The following FGF2 variants were observed in gnomAD, a reference collection of about 807,000 sequenced individuals.
FGF2 encodes fibroblast growth factor 2, also known as basic fibroblast growth factor bFGF.
Under a neutral mutation model 15.9 loss-of-function variants are expected in FGF2, and 13 were observed. The ratio of observed to expected loss-of-function variants is 0.82; its 90% CI spans 0.53 to 1.30. The LOEUF (loss-of-function observed/expected upper bound fraction) is 1.30. Ranked by LOEUF, FGF2 falls within the 50% of genes most tolerant of loss-of-function variation. The pLI is 0.00. For synonymous variants in FGF2, 90 were observed against 78.4 expected, an observed-to-expected ratio of 1.15 and a Z score of -0.78; for missense variants, 163 against 196.9, an observed-to-expected ratio of 0.83 and a Z score of 1.03.
intron 2 of FGF2, among the ~76,000 whole-genome samples, chr4:122,890,324 G>A (rs1269765422): frequency 2.6e-5 from 4 of 152,132 alleles, no homozygotes; most frequent in African/African-American, 9.6e-5. Flanking sequence ...TCATATAGCT[G>A]GGTCCTGTCA....
intron 1 of FGF2, among the ~76,000 whole-genome samples, chr4:122,859,019 C>T (rs892829015): frequency 2.6e-5 from 4 of 152,186 alleles, no homozygotes; most frequent in Non-Finnish European, 5.9e-5. Flanking sequence ...CTGAAGATGT[C>T]AGGTTATGTG....
chr4:122,849,661 G>T (rs551654952), intron 1 of FGF2, among the ~76,000 whole-genome samples: 2 of 152,194 alleles, frequency 1.3e-5, no homozygotes, highest in Non-Finnish European at 2.9e-5. Flanking sequence ...CACAGTGTGG[G>T]TAGATACATT....
At chr4:122,877,264 C>T (rs1427468674) in intron 2 of FGF2, among the ~76,000 whole-genome samples, 1 of 152,088 alleles carries the variant, frequency 6.6e-6, no homozygotes, top group Non-Finnish European at 1.5e-5. Context: ...AATGCACCAC[C>T]ATGCCTGGTT....
chr4:122,880,681 C>T (rs1726944393), intron 2 of FGF2, among the ~76,000 whole-genome samples: 1 of 152,204 alleles, frequency 6.6e-6, no homozygotes, highest in Non-Finnish European at 1.5e-5. Context: ...GGTACAGCCT[C>T]CCTCTCAGCT....
Position 122,897,501 on chromosome 4 carries a change from G to A in FGF2, c.*5105G>A, listed in dbSNP as rs549708129. The A allele has an allele frequency of 2.2e-4, 161 of 720,498 alleles. No homozygotes were observed. Among genetic ancestry groups the A allele is most frequent in the South Asian group, 2.2e-3 (140 of 63,180 alleles). 44.6% of individuals were successfully genotyped at this position (720,498 alleles called of 1,614,324 possible). On this transcript the variant is annotated 3_prime_UTR_variant, in exon 3 of 3. Transcript: ENST00000644866. ...TCAGCTCTGAGGTAATTTCTGAAAT[G>A]TTCAGACTCAGTCGGAACAAATTGG...
At position 122,893,041 on chromosome 4, in the gene FGF2, A is replaced by G. The variant is rs1254471955; in HGVS notation, c.*645A>G. The G allele has an allele frequency of 6.2e-7, 1 of 1,614,038 alleles. No homozygotes were observed. Among genetic ancestry groups the G allele is most frequent in the African/African-American group, 1.3e-5 (1 of 74,894 alleles). ...CCAGGTCATTGAGATCCATCCACTC[A>G]CATCTTAAGCATTCTTCCTGGCAAA... On this transcript the variant is annotated 3_prime_UTR_variant, in exon 3 of 3. Transcript: ENST00000644866.
intron 1 of FGF2, among the ~76,000 whole-genome samples, chr4:122,863,486 G>A (rs1014278755): frequency 6.6e-6 from 1 of 151,968 alleles, no homozygotes. Context: ...CCTCAGTCCT[G>A]GAATGACATT....
intron 1 of FGF2, among the ~76,000 whole-genome samples, chr4:122,858,186 T>C (rs17407577): frequency 0.044 from 6,765 of 152,242 alleles, 168 homozygotes; most frequent in Middle Eastern, 0.061. Flanking sequence ...GTGAAGAGAA[T>C]GGAATGTGTG....
At position 122,866,698 on chromosome 4, in the gene FGF2, G is replaced by A. The variant is rs1726602399; in HGVS notation, c.179-9623G>A. Among the ~76,000 whole-genome samples the A allele has an allele frequency of 2.0e-5, 3 of 152,162 alleles. No individual in the cohort carries two copies. In the South Asian group the frequency reaches 6.2e-4, roughly 31 times the overall value. On this transcript the variant is annotated intron_variant, in intron 1 of 2. Coordinates refer to ENST00000644866, the MANE Select transcript of FGF2 (RefSeq NM_001361665.2). Reference sequence around the variant, plus strand: ...ACAAAAACAGACCATAACAAGTGTTGGCCTGGATGTGGAATAATTGGAACT... The same window carrying A: ...ACAAAAACAGACCATAACAAGTGTTAGCCTGGATGTGGAATAATTGGAACT...
chr4:122,870,347 TA>T (rs1726704680), intron 1 of FGF2, among the ~76,000 whole-genome samples: 1 of 152,214 alleles, frequency 6.6e-6, no homozygotes, highest in Non-Finnish European at 1.5e-5. Flanking sequence ...CCTCATAAAA[TA>T]AATTAGGGAG....
intron 2 of FGF2, chr4:122,882,580 GAA>G (rs1291455579): frequency 2.6e-5 from 4 of 152,182 alleles, no homozygotes; most frequent in African/African-American, 9.7e-5. Context: ...CTTTCTGATG[GAA>G]CAGATTTCCA....
At chr4:122,833,148 ATACT>A (rs1165843207) in intron 1 of FGF2, among the ~76,000 whole-genome samples, 1 of 151,974 alleles carries the variant, frequency 6.6e-6, no homozygotes, top group African/African-American at 2.4e-5. Flanking sequence ...TGTATCTTTG[ATACT>A]TACTCATTTA....
At chr4:122,866,438 A>G (rs994297297) in intron 1 of FGF2, among the ~76,000 whole-genome samples, 4 of 152,264 alleles carry the variant, frequency 2.6e-5, no homozygotes, top group Non-Finnish European at 4.4e-5. Flanking sequence ...TTCTCACATC[A>G]TATGTCTGAA....
At chr4:122,848,655 G>A (rs533030714) in intron 1 of FGF2, among the ~76,000 whole-genome samples, 1 of 152,344 alleles carries the variant, frequency 6.6e-6, no homozygotes, top group South Asian at 2.1e-4. Flanking sequence ...GCTGCAGGCT[G>A]ATTACATAGC....
At chr4:122,861,778 A>G (rs756532355) in intron 1 of FGF2, among the ~76,000 whole-genome samples, 2 of 151,480 alleles carry the variant, frequency 1.3e-5, no homozygotes, top group Non-Finnish European at 2.9e-5. Flanking sequence ...ATACCCCTAC[A>G]CTCCATGCTA....
chr4:122,829,007 C>A (rs1400735647), intron 1 of FGF2, among the ~76,000 whole-genome samples: 1 of 151,698 alleles, frequency 6.6e-6, no homozygotes, highest in East Asian at 1.9e-4. Context: ...AGAAGAATTT[C>A]CCTTTAAATT....
intron 2 of FGF2, chr4:122,888,798 G>A (rs924448047): frequency 1.3e-5 from 2 of 152,096 alleles, no homozygotes; most frequent in Non-Finnish European, 2.9e-5. Flanking sequence ...CTCTTACCCT[G>A]TTCAGGTTTA....
chr4:122,897,738 G>T lies in FGF2; in HGVS notation c.*5342G>T. 8.7e-7 allele frequency: 1 copy of T among 1,153,206 alleles called. No homozygotes were observed. Among genetic ancestry groups the T allele is most frequent in the Non-Finnish European group, 1.3e-6 (1 of 764,988 alleles). The allele number at this position is 1,153,206 out of a possible 1,614,324, so 71.4% of individuals were successfully genotyped here. A position where few individuals can be genotyped will look rare whatever the true frequency, so the allele number is the denominator to read the frequency against. ...ACTTTCACTAACACACACATATGTA[G>T]ATTTCACAAAATCCACCTATAATTG... On this transcript the variant is annotated 3_prime_UTR_variant, in exon 3 of 3. Transcript: ENST00000644866.
rs1310776300 is a variant in FGF2, at chr4:122,893,563, G to T, written c.*1167G>T. 1 of 181,922 alleles carries T rather than the reference G, an allele frequency of 5.5e-6. No homozygotes were observed. Among genetic ancestry groups the T allele is most frequent in the African/African-American group, 2.3e-5 (1 of 42,588 alleles). 11.3% of individuals were successfully genotyped at this position (181,922 alleles called of 1,614,324 possible). ...ATAGATTGAAAAGTTAAAACATTTTGCATGGCTGCAGTTCCTTTGTTTCTT... is the reference window on the plus strand; with the variant it reads ...ATAGATTGAAAAGTTAAAACATTTTTCATGGCTGCAGTTCCTTTGTTTCTT... On this transcript the variant is annotated 3_prime_UTR_variant, in exon 3 of 3. Transcript: ENST00000644866.
Sources: gnomAD v4.1 joint callset for allele counts (sites outside exome capture counted in the v4.1 genomes callset) on GRCh38, gnomAD v4.1.1 for gene constraint, MANE v1.5 for transcripts, NCBI Gene and HGNC (gene_info 2026-07-23, HGNC 2026-07-21) for gene names.